The following HSD17B6 variants were observed in gnomAD, a reference collection of about 807,000 sequenced individuals.
The protein encoded by HSD17B6 is 17-beta-hydroxysteroid dehydrogenase type 6.
HSD17B6 carries 16 observed loss-of-function variants against 26.4 expected under a neutral mutation model. The ratio of observed to expected loss-of-function variants is 0.61; its 90% CI spans 0.41 to 0.92. The LOEUF (loss-of-function observed/expected upper bound fraction) is 0.92. Among genes scored for constraint, HSD17B6 ranks in the 40% least tolerant of loss-of-function variants. The pLI, the probability that HSD17B6 is intolerant of heterozygous loss-of-function variation, is 0.00. For missense variants in HSD17B6, 357 were observed against 386.1 expected, an observed-to-expected ratio of 0.92 and a Z score of 0.63; for synonymous variants, 139 against 153.0, an observed-to-expected ratio of 0.91 and a Z score of 0.68.
At chr12:56,785,114 A>G (rs1954848825) in intron 4 of HSD17B6, 98 bp downstream of exon 4, 10 of 1,294,360 alleles carry the variant, frequency 7.7e-6, no homozygotes, top group African/African-American at 1.5e-5. Context: ...ATTTATAAAG[A>G]AAAGAGGTTT....
At chr12:56,777,680 A>T (rs1954623531) in intron 2 of HSD17B6, among the ~76,000 whole-genome samples, 1 of 152,136 alleles carries the variant, frequency 6.6e-6, no homozygotes, top group African/African-American at 2.4e-5. Flanking sequence ...TAAATTTTTT[A>T]AAAAACAATT....
intron 2 of HSD17B6, among the ~76,000 whole-genome samples, chr12:56,777,119 A>G (rs1179013379): frequency 6.6e-6 from 1 of 152,194 alleles, no homozygotes; most frequent in Non-Finnish European, 1.5e-5. Context: ...TAGTGGCTAC[A>G]CATCTGTAGT....
At chr12:56,775,015 G>A (rs1409507942) in intron 2 of HSD17B6, among the ~76,000 whole-genome samples, 1 of 152,166 alleles carries the variant, frequency 6.6e-6, no homozygotes, top group East Asian at 1.9e-4. Context: ...CAGTACAGAT[G>A]CAAATTAAAA....
intron 1 of HSD17B6, among the ~76,000 whole-genome samples, chr12:56,771,415 C>CT (rs1378241058): frequency 1.3e-5 from 2 of 151,082 alleles, no homozygotes; most frequent in South Asian, 4.2e-4. Context: ...AGAACAGAGC[C>CT]TGATACACAG....
chr12:56,784,876 T>C lies in HSD17B6; in HGVS notation c.596T>C (p.Val199Ala). 6.2e-7 allele frequency: 1 copy of C among 1,613,868 alleles called. No homozygotes were observed. The highest frequency in any genetic ancestry group is 8.5e-7 in the Non-Finnish European group (1 of 1,179,960). ...ILRREIQHFG[V>A]KISIVEPGYF... Reference sequence around the variant, plus strand: ...AGGCGTGAGATTCAACATTTTGGGGTGAAAATCAGCATAGTTGAACCTGGC... The same window carrying C: ...AGGCGTGAGATTCAACATTTTGGGGCGAAAATCAGCATAGTTGAACCTGGC... The change falls in exon 4 of 5, where the codon GTG becomes GCG. Residue 199 changes from valine (V) to alanine (A), a missense_variant. Val to Ala is a moderately conservative substitution (Grantham distance 64). Coordinates refer to ENST00000322165, the MANE Select transcript of HSD17B6 (RefSeq NM_003725.4).
chr12:56,773,907 C>G lies in HSD17B6; in HGVS notation c.55C>G (p.Arg19Gly), dbSNP rs146006697. The G allele has an allele frequency of 2.5e-4, 395 of 1,611,996 alleles. 2 individuals are homozygous for G. In the African/African-American group the frequency reaches 4.0e-3, roughly 16 times the overall value. The change falls in exon 2 of 5, where the codon CGG (arginine) becomes GGG (glycine). Residue 19 changes from arginine (R) to glycine (G), a missense_variant. Physicochemically the swap from Arg to Gly is moderately radical, Grantham distance 125. Coordinates refer to ENST00000322165, the MANE Select transcript of HSD17B6 (RefSeq NM_003725.4). ...VGLYYLLHWY[R>G]ERQVVSHLQD... ...CCTGTACTACCTTCTGCACTGGTAC[C>G]GGGAGAGGCAGGTGGTGAGCCACCT...
At chr12:56,784,736 T>G in intron 3 of HSD17B6, 117 bp from the exon 4 acceptor site, 1 of 1,083,426 alleles carries the variant, frequency 9.2e-7, no homozygotes, top group Non-Finnish European at 1.3e-6. Context: ...GGAGATTTCT[T>G]TATTCTTTAA....
intron 4 of HSD17B6, among the ~76,000 whole-genome samples, chr12:56,786,532 G>C (rs1045255034): frequency 6.6e-6 from 1 of 152,202 alleles, no homozygotes; most frequent in Non-Finnish European, 1.5e-5. Flanking sequence ...TTACAGGCAT[G>C]AGCCACTGCA....
chr12:56,776,243 A>G (rs1473364140), intron 2 of HSD17B6, among the ~76,000 whole-genome samples: 1 of 151,098 alleles, frequency 6.6e-6, no homozygotes, highest in Non-Finnish European at 1.5e-5. Flanking sequence ...TGTTATATGT[A>G]GTCTTTTAGA....
chr12:56,783,595 C>T (rs1173024051), intron 3 of HSD17B6, among the ~76,000 whole-genome samples: 3 of 135,518 alleles, frequency 2.2e-5, no homozygotes, highest in Non-Finnish European at 3.2e-5. Context: ...CGGGGGCTGA[C>T]CCCCCCACCT....
intron 4 of HSD17B6, among the ~76,000 whole-genome samples, chr12:56,786,200 T>G (rs1158195946): frequency 6.6e-6 from 1 of 152,136 alleles, no homozygotes; most frequent in African/African-American, 2.4e-5. Context: ...CATATCTGTG[T>G]TGTTCTAAAC....
In HSD17B6 at chr12:56,787,241, T is replaced by G. The variant is rs201490226; in HGVS notation, c.853T>G (p.Trp285Gly). Residue 285 changes from tryptophan (W) to glycine (G), a missense_variant, in exon 5 of 5, where the codon TGG (tryptophan) becomes GGG (glycine). Coordinates refer to ENST00000322165, the MANE Select transcript of HSD17B6 (RefSeq NM_003725.4). ...TCCGCGAACTCGATATTCAGCTGGC[T>G]GGGATGCTAAATTTTTCTTCATCCC... ...VHPRTRYSAG[W>G]DAKFFFIPLS... 13 of 1,614,112 alleles carry G rather than the reference T, an allele frequency of 8.1e-6. No homozygotes were observed. The East Asian group carries it at 2.2e-4, about 28-fold the overall frequency.
At chr12:56,776,638 C>G (rs1407720744) in intron 2 of HSD17B6, among the ~76,000 whole-genome samples, 6 of 151,958 alleles carry the variant, frequency 3.9e-5, no homozygotes, top group Non-Finnish European at 8.8e-5. Flanking sequence ...TAGCTCATTT[C>G]TGTTTTTTTG....
intron 1 of HSD17B6, among the ~76,000 whole-genome samples, chr12:56,771,240 A>G (rs1954466062): frequency 6.6e-6 from 1 of 151,704 alleles, no homozygotes; most frequent in Non-Finnish European, 1.5e-5. Flanking sequence ...CTGCATTACC[A>G]CCTATTCCTG....
At chr12:56,786,698 A>G (rs904364832) in intron 4 of HSD17B6, among the ~76,000 whole-genome samples, 2 of 152,158 alleles carry the variant, frequency 1.3e-5, no homozygotes, top group African/African-American at 2.4e-5. Context: ...AAAAATAAAC[A>G]AAATTAGCTG....
At chr12:56,763,437 TTGTGTGTG>T (rs35753038) in intron 1 of HSD17B6, 23 bp downstream of exon 1, 1,497 of 136,282 alleles carry the variant, frequency 0.011, 10 homozygotes, top group African/African-American at 0.027. Flanking sequence ...GTAAGGGTGG[TTGTGTGTG>T]TGTGTGTGTG....
chr12:56,781,574 C>G (rs1351722117), intron 2 of HSD17B6, among the ~76,000 whole-genome samples: 2 of 151,972 alleles, frequency 1.3e-5, no homozygotes, highest in Admixed American at 1.3e-4. Flanking sequence ...GAGGCTGAGG[C>G]GGGTGGATCA....
chr12:56,777,490 A>C (rs1479728127), intron 2 of HSD17B6, among the ~76,000 whole-genome samples: 1 of 150,054 alleles, frequency 6.7e-6, no homozygotes, highest in Non-Finnish European at 1.5e-5. Flanking sequence ...TCAGCCTCCC[A>C]AGTAGCTGGG....
intron 2 of HSD17B6, among the ~76,000 whole-genome samples, chr12:56,774,843 G>A (rs1036945609): frequency 6.6e-6 from 1 of 152,254 alleles, no homozygotes; most frequent in Non-Finnish European, 1.5e-5. Context: ...GTGATGGGGA[G>A]TGGCTGTAAA....
Sources: gnomAD v4.1 joint callset for allele counts (sites outside exome capture counted in the v4.1 genomes callset) on GRCh38, gnomAD v4.1.1 for gene constraint, MANE v1.5 for transcripts, NCBI Gene and HGNC (gene_info 2026-07-23, HGNC 2026-07-21) for gene names.